Variants in LGR6 observed in about 807,000 individuals in gnomAD.
LGR6 encodes leucine-rich repeat-containing G protein-coupled receptor 6.
LGR6 carries 45 observed loss-of-function variants against 69.4 expected under a neutral mutation model. The ratio of observed to expected loss-of-function variants is 0.65; its 90% CI spans 0.51 to 0.83. The LOEUF is 0.83. Ranked by LOEUF, LGR6 falls within the 40% of genes least tolerant of loss-of-function variation. The pLI, the probability that LGR6 is intolerant of heterozygous loss-of-function variation, is 0.00. For missense variants in LGR6, 1,108 were observed against 1,246.7 expected, an observed-to-expected ratio of 0.89 and a Z score of 1.68; for synonymous variants, 538 against 555.0, an observed-to-expected ratio of 0.97 and a Z score of 0.43.
intron 1 of LGR6, among the ~76,000 whole-genome samples, chr1:202,218,701 T>G (rs746504665): frequency 6.6e-6 from 1 of 152,122 alleles, no homozygotes; most frequent in Non-Finnish European, 1.5e-5. Flanking sequence ...CTGAACTCAG[T>G]TCTGTGGGTT....
chr1:202,203,862 A>G (rs1438478808), intron 1 of LGR6: 2 of 1,613,280 alleles, frequency 1.2e-6, no homozygotes, highest in Non-Finnish European at 1.7e-6. Context: ...AGTGTCAATA[A>G]TCATCTCTGC....
In LGR6 at chr1:202,254,474, G is replaced by A. The variant is rs574226793; in HGVS notation, c.428+18481G>A. On this transcript the variant is annotated intron_variant, in intron 4 of 17. Coordinates refer to ENST00000367278, the MANE Select transcript of LGR6 (RefSeq NM_001017403.2). Reference sequence around the variant, plus strand: ...TCCTCCACCCCTGACCTCAGGAATGGTCCGTCTGGTGGTGAGTTGCCCCTG... The same window carrying A: ...TCCTCCACCCCTGACCTCAGGAATGATCCGTCTGGTGGTGAGTTGCCCCTG... Among the ~76,000 whole-genome samples the A allele has an allele frequency of 2.0e-5, 3 of 152,318 alleles. No individual in the cohort carries two copies. The East Asian group carries it at 5.8e-4, about 29-fold the overall frequency.
intron 4 of LGR6, 69 bp downstream of exon 4, chr1:202,236,062 C>T: frequency 1.5e-6 from 2 of 1,323,646 alleles, no homozygotes; most frequent in Non-Finnish European, 2.2e-6. Flanking sequence ...CCAGGGCCCC[C>T]TGCCTCAGCT....
In LGR6 at chr1:202,221,491, C is replaced by G. The variant is rs3010072; in HGVS notation, c.213-3932C>G. Among the ~76,000 whole-genome samples, 5 of 151,990 alleles carry G rather than the reference C, an allele frequency of 3.3e-5. 1 individual carries two copies. Among genetic ancestry groups the G allele is most frequent in the African/African-American group, 1.2e-4 (5 of 41,408 alleles). ...CTCTCCTCTCCATTCCCCTCCTGCA[C>G]GTCTCTCCCTGAGACATTTCCCATT... On this transcript the variant is annotated intron_variant, in intron 1 of 17. Coordinates refer to ENST00000367278, the MANE Select transcript of LGR6 (RefSeq NM_001017403.2).
At chr1:202,228,510 C>T (rs1660747310) in intron 3 of LGR6, among the ~76,000 whole-genome samples, 1 of 152,208 alleles carries the variant, frequency 6.6e-6, no homozygotes, top group African/African-American at 2.4e-5. Flanking sequence ...TGCTTCCTCC[C>T]TGCTCCTCCT....
chr1:202,228,081 C>G, intron 3 of LGR6, 74 bp downstream of exon 3: 3 of 1,091,558 alleles, frequency 2.7e-6, no homozygotes, highest in East Asian at 2.4e-5. Flanking sequence ...GTTTTAGAAC[C>G]CAAGTCTTGG....
chr1:202,314,034 C>T (rs1653946668), intron 16 of LGR6, among the ~76,000 whole-genome samples: 1 of 152,232 alleles, frequency 6.6e-6, no homozygotes, highest in South Asian at 2.1e-4. Context: ...TGGACCTACT[C>T]TGCACCTGTT....
chr1:202,317,803 C>A, intron 17 of LGR6, 149 bp from the exon 18 acceptor site: 1 of 760,376 alleles, frequency 1.3e-6, no homozygotes, highest in Non-Finnish European at 2.1e-6. Context: ...ACAGGGTCAG[C>A]CTCCCTTAGA....
chr1:202,232,661 A>C (rs1486365145), intron 3 of LGR6, among the ~76,000 whole-genome samples: 1 of 135,486 alleles, frequency 7.4e-6, no homozygotes, highest in Non-Finnish European at 1.7e-5. Context: ...CCATCTCTAC[A>C]AAAAAATGTT....
chr1:202,314,516 G>A (rs561903824), intron 16 of LGR6, among the ~76,000 whole-genome samples: 1 of 152,318 alleles, frequency 6.6e-6, no homozygotes, highest in African/African-American at 2.4e-5. Context: ...CAGCACTTGT[G>A]GGTAAGGCTG....
chr1:202,240,073 G>A (rs1172878523), intron 4 of LGR6, among the ~76,000 whole-genome samples: 1 of 151,998 alleles, frequency 6.6e-6, no homozygotes, highest in Non-Finnish European at 1.5e-5. Context: ...CGTGGTAAGA[G>A]CTTATTAAGA....
At chr1:202,294,193 C>T (rs2148231058) in intron 6 of LGR6, among the ~76,000 whole-genome samples, 1 of 152,304 alleles carries the variant, frequency 6.6e-6, no homozygotes, top group East Asian at 1.9e-4. Context: ...TGTTGAGCTC[C>T]TGCTATGCGC....
intron 1 of LGR6, among the ~76,000 whole-genome samples, chr1:202,212,305 G>A (rs1162345871): frequency 6.6e-6 from 1 of 152,154 alleles, no homozygotes; most frequent in African/African-American, 2.4e-5. Context: ...GCGAGCAGAG[G>A]GAAGGACAGG....
At chr1:202,203,909 G>A (rs148898262) in intron 1 of LGR6, 1 of 1,520,756 alleles carries the variant, frequency 6.6e-7, no homozygotes, top group African/African-American at 1.4e-5. Flanking sequence ...TCCTCCTTGG[G>A]GGGTGTTTAG....
At chr1:202,256,059 C>T (rs1365315768) in intron 4 of LGR6, among the ~76,000 whole-genome samples, 2 of 152,168 alleles carry the variant, frequency 1.3e-5, no homozygotes, top group Non-Finnish European at 2.9e-5. Context: ...CTTCCCCCAG[C>T]CCCTGACAAC....
At chr1:202,254,336 C>A (rs1663572002) in intron 4 of LGR6, among the ~76,000 whole-genome samples, 1 of 152,228 alleles carries the variant, frequency 6.6e-6, no homozygotes, top group African/African-American at 2.4e-5. Context: ...ATGCTTTGTG[C>A]AGCTCAGGGA....
At chr1:202,276,060 C>T (rs1427226286) in intron 4 of LGR6, among the ~76,000 whole-genome samples, 1 of 152,142 alleles carries the variant, frequency 6.6e-6, no homozygotes, top group African/African-American at 2.4e-5. Flanking sequence ...TGCCACTGCA[C>T]TTCAGCCTGG....
rs191049251 is a variant in LGR6, at chr1:202,307,445, C to T, written c.1280+44C>T. On this transcript the variant is annotated intron_variant, in intron 14 of 17. Transcript: ENST00000367278. ...CTCCTCCAGGATGCTGGGGGCCAGT[C>T]GGGACTATGGGCTGGCCAATGGAGG... 1,198 of 1,588,062 alleles carry T rather than the reference C, an allele frequency of 7.5e-4. 12 individuals carry two copies. In the South Asian group the frequency reaches 9.1e-3, roughly 12 times the overall value.
chr1:202,270,270 T>C (rs899553093), intron 4 of LGR6, among the ~76,000 whole-genome samples: 1 of 152,008 alleles, frequency 6.6e-6, no homozygotes, highest in African/African-American at 2.4e-5. Flanking sequence ...GAGACAGAGT[T>C]TTGCTCTCGT....
Sources: gnomAD v4.1 joint callset for allele counts (sites outside exome capture counted in the v4.1 genomes callset) on GRCh38, gnomAD v4.1.1 for gene constraint, MANE v1.5 for transcripts, NCBI Gene and HGNC (gene_info 2026-07-23, HGNC 2026-07-21) for gene names.